SYNE2: variants seen among roughly 807,000 people sequenced by gnomAD.
SYNE2 encodes nesprin-2.
Under a neutral mutation model 856.3 loss-of-function variants are expected in SYNE2, and 431 were observed. The ratio of observed to expected loss-of-function variants is 0.50; its 90% CI spans 0.47 to 0.55. SYNE2 has a LOEUF of 0.55. SYNE2 is among the 20% of genes least tolerant of loss of function. The probability of loss-of-function intolerance (pLI) is 0.00; values close to 1 mark genes in which losing one functional copy is unlikely to be tolerated. For missense variants in SYNE2, 8,129 were observed against 8,023.2 expected (o/e 1.01, Z -0.50); for synonymous variants, 2,923 against 2,872.3 (o/e 1.02, Z -0.56).
At position 63,863,087 on chromosome 14, in the gene SYNE2, C is replaced by T. The variant is rs560838775; in HGVS notation, c.-52+9944C>T. Reference sequence around the variant, plus strand: ...TGCTGGGATTATGGGCCTGAGCCACCGTGCCTGGCCTTGGGGCAGATTTTT... The same window carrying T: ...TGCTGGGATTATGGGCCTGAGCCACTGTGCCTGGCCTTGGGGCAGATTTTT... On this transcript the variant is annotated intron_variant, in intron 1 of 115. Coordinates refer to ENST00000555002, the MANE Select transcript of SYNE2 (RefSeq NM_182914.3). 7.9e-5 allele frequency among the ~76,000 whole-genome samples: 12 copies of T among 152,126 alleles called. No homozygotes were observed. In the South Asian group the frequency reaches 2.3e-3, roughly 29 times the overall value.
At chr14:64,064,853 CTTT>C (rs34550127) in intron 50 of SYNE2, among the ~76,000 whole-genome samples, 32 of 123,662 alleles carry the variant, frequency 2.6e-4, no homozygotes, top group African/African-American at 5.2e-4. Context: ...CACTTATAGA[CTTT>C]TTTTTTTTTT....
chr14:64,092,095 A>G (rs1296537967), intron 60 of SYNE2, among the ~76,000 whole-genome samples: 1 of 152,188 alleles, frequency 6.6e-6, no homozygotes, highest in Non-Finnish European at 1.5e-5. Flanking sequence ...CTACCTTGTA[A>G]TAATATAAAG....
At chr14:64,036,750 T>C (rs2097093654) in intron 45 of SYNE2, among the ~76,000 whole-genome samples, 1 of 152,182 alleles carries the variant, frequency 6.6e-6, no homozygotes, top group Admixed American at 6.5e-5. Context: ...ACTATTAATA[T>C]TGGAAATGGA....
At chr14:63,864,682 T>G (rs961299984) in intron 1 of SYNE2, among the ~76,000 whole-genome samples, 1 of 152,242 alleles carries the variant, frequency 6.6e-6, no homozygotes, top group African/African-American at 2.4e-5. Context: ...TCTTTTTTTA[T>G]CTCTACCTTC....
intron 1 of SYNE2, among the ~76,000 whole-genome samples, chr14:63,769,938 A>G (rs899715589): frequency 2.7e-5 from 4 of 150,868 alleles, no homozygotes; most frequent in Non-Finnish European, 1.5e-5. Flanking sequence ...TATATTTGAG[A>G]TGGTCTTGCT....
chr14:63,854,094 G>C (rs1204994358), intron 1 of SYNE2, among the ~76,000 whole-genome samples: 1 of 151,626 alleles, frequency 6.6e-6, no homozygotes, highest in Non-Finnish European at 1.5e-5. Flanking sequence ...AGGCACGGTT[G>C]TGTACAAGCA....
At chr14:64,038,713 G>C (rs964570912) in intron 45 of SYNE2, among the ~76,000 whole-genome samples, 4 of 152,264 alleles carry the variant, frequency 2.6e-5, no homozygotes, top group Non-Finnish European at 5.9e-5. Context: ...CGTGGCGGCG[G>C]GCGCCTGCAA....
At chr14:63,787,437 T>C (rs891450581) in intron 1 of SYNE2, among the ~76,000 whole-genome samples, 10 of 152,188 alleles carry the variant, frequency 6.6e-5, no homozygotes, top group Non-Finnish European at 2.9e-5. Flanking sequence ...AAAACATGTA[T>C]TGTCACTCTT....
At chr14:63,966,577 G>A (rs1019712825) in intron 10 of SYNE2, among the ~76,000 whole-genome samples, 1 of 144,324 alleles carries the variant, frequency 6.9e-6, no homozygotes, top group East Asian at 2.0e-4. Context: ...TTCCCCCCCC[G>A]AGACAGGATC....
At chr14:63,892,187 G>A (rs1207160573) in intron 1 of SYNE2, among the ~76,000 whole-genome samples, 1 of 151,250 alleles carries the variant, frequency 6.6e-6, no homozygotes, top group East Asian at 1.9e-4. Flanking sequence ...AAAAATGCTC[G>A]TGCAGTTATA....
intron 57 of SYNE2, 57 bp downstream of exon 57, chr14:64,081,637 T>A (rs1330490543): frequency 3.1e-6 from 5 of 1,590,152 alleles, no homozygotes; most frequent in Admixed American, 3.3e-5. Context: ...GATTCGTGGC[T>A]TAGCTGATTG....
chr14:64,012,814 A>G (rs2096857017), intron 32 of SYNE2, among the ~76,000 whole-genome samples: 1 of 152,250 alleles, frequency 6.6e-6, no homozygotes, highest in African/African-American at 2.4e-5. Context: ...AATTGTTAAC[A>G]TAACTTTCAG....
chr14:63,983,007 A>C (rs1022730297), intron 17 of SYNE2, among the ~76,000 whole-genome samples: 19 of 152,136 alleles, frequency 1.2e-4, no homozygotes, highest in Non-Finnish European at 1.9e-4. Flanking sequence ...AGCCCTACAC[A>C]ACCATGAATC....
intron 1 of SYNE2, among the ~76,000 whole-genome samples, chr14:63,869,119 A>C (rs539800017): frequency 6.6e-6 from 1 of 152,352 alleles, no homozygotes; most frequent in South Asian, 2.1e-4. Context: ...AGAACCACAC[A>C]GTTAAAGAGC....
chr14:64,209,494 C>G lies in SYNE2; in HGVS notation c.18456C>G (p.Leu6152=), dbSNP rs764181444. 7 of 1,614,104 alleles carry G rather than the reference C, an allele frequency of 4.3e-6. No homozygotes were observed. The highest frequency in any genetic ancestry group is 5.1e-6 in the Non-Finnish European group (6 of 1,180,048). ...ACTATTCTCGCTTTGAGGACTGGCTCAAGTCAGCTGAGAGGACGGCAGCCT... is the reference window on the plus strand; with the variant it reads ...ACTATTCTCGCTTTGAGGACTGGCTGAAGTCAGCTGAGAGGACGGCAGCCT... The part of the protein sequence containing the change: ...LDDYSRFEDW[L]KSAERTAACP... The change falls in exon 102 of 116, where the codon CTC becomes CTG. Residue 6152 remains leucine (L), a synonymous_variant. Coordinates refer to ENST00000555002, the MANE Select transcript of SYNE2 (RefSeq NM_182914.3).
chr14:64,019,080 G>A (rs2096916546), intron 34 of SYNE2, among the ~76,000 whole-genome samples: 1 of 152,134 alleles, frequency 6.6e-6, no homozygotes, highest in African/African-American at 2.4e-5. Flanking sequence ...AGACCAGCCT[G>A]GCCAACATGG....
intron 43 of SYNE2, among the ~76,000 whole-genome samples, chr14:64,028,894 T>C (rs1250293263): frequency 2.0e-5 from 3 of 152,142 alleles, no homozygotes; most frequent in South Asian, 2.1e-4. Flanking sequence ...TCCCAGCACG[T>C]TGGGAGGCTG....
chr14:63,809,359 T>G (rs1425047360), intron 1 of SYNE2, among the ~76,000 whole-genome samples: 2 of 152,246 alleles, frequency 1.3e-5, no homozygotes, highest in Non-Finnish European at 2.9e-5. Context: ...AGTTATGTTT[T>G]GTTCACAAAT....
chr14:64,018,261 G>A (rs898048053), intron 34 of SYNE2, among the ~76,000 whole-genome samples: 1 of 151,814 alleles, frequency 6.6e-6, no homozygotes, highest in Admixed American at 6.6e-5. Flanking sequence ...TTTTTTTGAG[G>A]CAGAGTCTCG....
Sources: allele counts gnomAD v4.1 joint callset (sites outside exome capture counted in the v4.1 genomes callset), GRCh38; gene constraint gnomAD v4.1.1; transcripts MANE v1.5; gene names NCBI Gene and HGNC (gene_info 2026-07-23, HGNC 2026-07-21).